The following COG5 variants were observed in gnomAD, a reference collection of about 807,000 sequenced individuals.
COG5 encodes the protein conserved oligomeric Golgi complex subunit 5.
A neutral mutation model predicts 110.4 loss-of-function variants in COG5; 86 were observed. The observed-to-expected ratio is 0.78, with a 90% confidence interval of 0.65 to 0.93. The LOEUF (loss-of-function observed/expected upper bound fraction) is 0.93. COG5 is among the 40% of genes least tolerant of loss of function. The pLI is 0.00. For missense variants in COG5, 1,077 were observed against 987.0 expected (o/e 1.09, Z -1.22); for synonymous variants, 360 against 334.6 (o/e 1.08, Z -0.83).
intron 10 of COG5, among the ~76,000 whole-genome samples, chr7:107,327,088 C>T (rs575239982): frequency 1.4e-4 from 22 of 152,096 alleles, no homozygotes; most frequent in Non-Finnish European, 2.9e-4. Flanking sequence ...ATGGTACCAG[C>T]ATAAAGACAG....
chr7:107,295,084 TA>T, intron 12 of COG5, among the ~76,000 whole-genome samples: 2 of 67,446 alleles, frequency 3.0e-5, no homozygotes, highest in African/African-American at 1.2e-4. Flanking sequence ...TATATATATA[TA>T]TATATATATA....
At chr7:107,230,806 G>A (rs1459515038) in intron 18 of COG5, 115 bp from the exon 19 acceptor site, 14 of 798,846 alleles carry the variant, frequency 1.8e-5, no homozygotes, top group South Asian at 2.8e-5. Flanking sequence ...TATCTGGACT[G>A]TAAGGCAAGT....
chr7:107,322,766 T>A (rs1397983657), intron 11 of COG5, among the ~76,000 whole-genome samples: 1 of 152,296 alleles, frequency 6.6e-6, no homozygotes, highest in Admixed American at 6.5e-5. Context: ...ACAAAAGAGA[T>A]ATATGTATGT....
Position 107,429,130 on chromosome 7 carries a change from A to G in COG5, c.539-16498T>C, listed in dbSNP as rs547638089. 2.0e-5 allele frequency among the ~76,000 whole-genome samples: 3 copies of G among 152,360 alleles called. No individual in the cohort carries two copies. In the South Asian group the frequency reaches 6.2e-4, roughly 32 times the overall value. On this transcript the variant is annotated intron_variant, in intron 6 of 21. Coordinates refer to ENST00000297135, the MANE Select transcript of COG5 (RefSeq NM_006348.5). ...TAAGTAACAGAATATTACTAAGAGT[A>G]CCACTTAAAATTTTATCTAAAATAT...
chr7:107,544,528 C>CAA (rs1384683230), intron 5 of COG5, among the ~76,000 whole-genome samples: 2 of 152,220 alleles, frequency 1.3e-5, no homozygotes, highest in Non-Finnish European at 1.5e-5. Flanking sequence ...CTCATGGACC[C>CAA]AAGCACCAGA....
At position 107,358,049 on chromosome 7, in the gene COG5, T is replaced by C. The variant is rs188336216; in HGVS notation, c.1026+3984A>G. 6.6e-5 allele frequency among the ~76,000 whole-genome samples: 10 copies of C among 152,294 alleles called. 1 individual carries two copies. The highest frequency in any genetic ancestry group is 5.2e-4 in the Admixed American group (8 of 15,300). Reference sequence around the variant, plus strand: ...AATTTATTGTTATCAAGAATTTATATGTGTTTTTATGTAGAAACTCTACCC... The same window carrying C: ...AATTTATTGTTATCAAGAATTTATACGTGTTTTTATGTAGAAACTCTACCC... On this transcript the variant is annotated intron_variant, in intron 10 of 21. Transcript: ENST00000297135.
At chr7:107,243,564 T>C (rs1458238546) in intron 17 of COG5, among the ~76,000 whole-genome samples, 1 of 112,252 alleles carries the variant, frequency 8.9e-6, no homozygotes, top group East Asian at 2.6e-4. Flanking sequence ...TCCCACACAA[T>C]AACGGTGGGA....
intron 6 of COG5, among the ~76,000 whole-genome samples, chr7:107,457,070 CA>C (rs1339805784): frequency 6.6e-6 from 1 of 151,966 alleles, no homozygotes; most frequent in Non-Finnish European, 1.5e-5. Context: ...CACCCAATAA[CA>C]AATTATTAGA....
chr7:107,480,458 T>A (rs555720547), intron 6 of COG5, among the ~76,000 whole-genome samples: 39 of 152,124 alleles, frequency 2.6e-4, no homozygotes, highest in African/African-American at 7.9e-4. Context: ...TGACCAATAA[T>A]AAATGTTAGA....
intron 10 of COG5, among the ~76,000 whole-genome samples, chr7:107,326,213 G>GAA (rs1562969567): frequency 2.0e-5 from 3 of 152,184 alleles, no homozygotes; most frequent in African/African-American, 7.2e-5. Context: ...TCCATGGTGC[G>GAA]AAACAGAAAG....
chr7:107,258,694 G>A (rs1803080797), intron 14 of COG5: 1 of 326,858 alleles, frequency 3.1e-6, no homozygotes, highest in East Asian at 5.8e-5. Flanking sequence ...TGACCCAAAT[G>A]CCCCATGTGT....
At position 107,201,495 on chromosome 7, in the gene COG5, A is replaced by G; in HGVS notation, c.*2021T>C. ...ACATTGACTCTTGATGGAAAGACTT[A>G]AGAAGATCAAGGTCTCACCATTTGT... On this transcript the variant is annotated 3_prime_UTR_variant, in exon 22 of 22. Transcript: ENST00000297135. 4 of 1,011,990 alleles carry G rather than the reference A, an allele frequency of 4.0e-6. No individual in the cohort carries two copies. The highest frequency in any genetic ancestry group is 6.2e-6 in the Non-Finnish European group (4 of 643,064). The allele number at this position is 1,011,990 out of a possible 1,614,324, so 62.7% of individuals were successfully genotyped here.
chr7:107,350,720 G>C (rs895746732), intron 10 of COG5, among the ~76,000 whole-genome samples: 1 of 152,084 alleles, frequency 6.6e-6, no homozygotes, highest in African/African-American at 2.4e-5. Context: ...GGAATGACAC[G>C]TTGTTACCAA....
At chr7:107,304,520 T>C (rs1807542882) in intron 11 of COG5, among the ~76,000 whole-genome samples, 3 of 152,236 alleles carry the variant, frequency 2.0e-5, no homozygotes, top group African/African-American at 4.8e-5. Flanking sequence ...TTTGGAGTTA[T>C]GTCATTTCCC....
intron 6 of COG5, among the ~76,000 whole-genome samples, chr7:107,496,983 G>C (rs2520245): frequency 0.27 from 40,445 of 152,032 alleles, 5,501 homozygotes; most frequent in East Asian, 0.33. Context: ...GCAAACATAG[G>C]AGAATCACTT....
At chr7:107,303,351 G>A (rs1199569897) in intron 11 of COG5, among the ~76,000 whole-genome samples, 2 of 152,064 alleles carry the variant, frequency 1.3e-5, no homozygotes, top group Non-Finnish European at 2.9e-5. Context: ...TTAACTGTAA[G>A]TTACTTAAGT....
intron 7 of COG5, among the ~76,000 whole-genome samples, chr7:107,403,087 T>C (rs1016302736): frequency 1.3e-5 from 2 of 152,096 alleles, no homozygotes; most frequent in Non-Finnish European, 2.9e-5. Flanking sequence ...GGCAATTAAC[T>C]AGGAAAAAAT....
chr7:107,302,055 A>G (rs1289381452), intron 11 of COG5, among the ~76,000 whole-genome samples: 1 of 152,220 alleles, frequency 6.6e-6, no homozygotes, highest in African/African-American at 2.4e-5. Flanking sequence ...TAAAAATAAC[A>G]GTATATATCT....
At chr7:107,430,471 AC>A (rs1393250193) in intron 6 of COG5, among the ~76,000 whole-genome samples, 1 of 152,136 alleles carries the variant, frequency 6.6e-6, no homozygotes, top group African/African-American at 2.4e-5. Context: ...CCATTACCAG[AC>A]TGTATGAATT....
Sources: gnomAD v4.1 joint callset for allele counts (sites outside exome capture counted in the v4.1 genomes callset) on GRCh38, gnomAD v4.1.1 for gene constraint, MANE v1.5 for transcripts, NCBI Gene and HGNC (gene_info 2026-07-23, HGNC 2026-07-21) for gene names.